KCND2: variants seen among roughly 807,000 people sequenced by gnomAD.
The protein encoded by KCND2 is A-type voltage-gated potassium channel KCND2.
KCND2 carries 16 observed loss-of-function variants against 54.4 expected under a neutral mutation model. The observed-to-expected ratio is 0.29, with a 90% CI of 0.20 to 0.45. The LOEUF is 0.45. KCND2 is among the 20% of genes least tolerant of loss of function. The probability of loss-of-function intolerance (pLI) is 1.00; values close to 1 mark genes in which losing one functional copy is unlikely to be tolerated. For missense variants in KCND2, 486 were observed against 824.2 expected (o/e 0.59, Z 5.02); for synonymous variants, 317 against 310.7 (o/e 1.02, Z -0.21).
At chr7:120,295,623 A>G (rs1373637702) in intron 1 of KCND2, among the ~76,000 whole-genome samples, 6 of 152,008 alleles carry the variant, frequency 3.9e-5, no homozygotes, top group Admixed American at 3.9e-4. Flanking sequence ...CCAGATTGAG[A>G]GAATGGCAAA....
At chr7:120,375,686 T>C (rs1800827024) in intron 1 of KCND2, among the ~76,000 whole-genome samples, 1 of 151,832 alleles carries the variant, frequency 6.6e-6, no homozygotes, top group Admixed American at 6.6e-5. Context: ...TCTCTGGCAT[T>C]TGAAAAGCCA....
At chr7:120,457,718 T>C (rs1802220213) in intron 1 of KCND2, among the ~76,000 whole-genome samples, 1 of 152,182 alleles carries the variant, frequency 6.6e-6, no homozygotes, top group Admixed American at 6.6e-5. Context: ...CCAGATTTTC[T>C]TACCTTTTTC....
At chr7:120,358,770 G>C (rs1459238818) in intron 1 of KCND2, among the ~76,000 whole-genome samples, 1 of 152,062 alleles carries the variant, frequency 6.6e-6, no homozygotes, top group Non-Finnish European at 1.5e-5. Flanking sequence ...AGTGAATTTC[G>C]AACTATGTGC....
chr7:120,623,505 A>T (rs970562570), intron 1 of KCND2, among the ~76,000 whole-genome samples: 5 of 152,150 alleles, frequency 3.3e-5, no homozygotes, highest in African/African-American at 7.2e-5. Flanking sequence ...ATACCTAGGG[A>T]TCTTGCTACC....
chr7:120,549,019 T>C (rs966523579), intron 1 of KCND2, among the ~76,000 whole-genome samples: 26 of 152,084 alleles, frequency 1.7e-4, no homozygotes, highest in African/African-American at 6.0e-4. Context: ...TATTGGACTT[T>C]GGATTCAAAT....
At chr7:120,473,836 C>T (rs887683201) in intron 1 of KCND2, among the ~76,000 whole-genome samples, 9 of 152,144 alleles carry the variant, frequency 5.9e-5, no homozygotes, top group African/African-American at 2.2e-4. Flanking sequence ...CCTCCCTAAG[C>T]AAATCACTGG....
In KCND2 at chr7:120,301,627, T is replaced by A. The variant is rs1799586474; in HGVS notation, c.1115+25880T>A. On this transcript the variant is annotated intron_variant, in intron 1 of 5. Transcript: ENST00000331113. The stretch of plus-strand genomic sequence containing the variant: ...GGGCCTGGTTGCATGGCAGCCTAGT[T>A]TCTTTTGAGGAATAATATATTGTAA... Among the ~76,000 whole-genome samples, 3 of 152,170 alleles carry A rather than the reference T, an allele frequency of 2.0e-5. No individual in the cohort carries two copies. The South Asian group carries it at 6.2e-4, about 31-fold the overall frequency.
At chr7:120,315,454 A>G (rs529724369) in intron 1 of KCND2, among the ~76,000 whole-genome samples, 1 of 152,202 alleles carries the variant, frequency 6.6e-6, no homozygotes, top group East Asian at 1.9e-4. Flanking sequence ...AACAATGTAA[A>G]CCTTGAATTT....
intron 1 of KCND2, among the ~76,000 whole-genome samples, chr7:120,705,361 T>G (rs1792454725): frequency 6.6e-6 from 1 of 152,134 alleles, no homozygotes; most frequent in Admixed American, 6.6e-5. Context: ...GAAAGTAATT[T>G]ATTTGGCTGT....
At chr7:120,414,081 T>C (rs990452239) in intron 1 of KCND2, among the ~76,000 whole-genome samples, 1 of 151,900 alleles carries the variant, frequency 6.6e-6, no homozygotes, top group Non-Finnish European at 1.5e-5. Flanking sequence ...AAAATACAAA[T>C]AAAACCTTCT....
chr7:120,564,622 A>G (rs1391551340), intron 1 of KCND2, among the ~76,000 whole-genome samples: 1 of 152,204 alleles, frequency 6.6e-6, no homozygotes, highest in Non-Finnish European at 1.5e-5. Flanking sequence ...AAAAAAGTAT[A>G]TAAATTTAAG....
chr7:120,388,538 C>T (rs1801022457), intron 1 of KCND2, among the ~76,000 whole-genome samples: 1 of 151,962 alleles, frequency 6.6e-6, no homozygotes, highest in South Asian at 2.1e-4. Context: ...AGGTGGAACC[C>T]ATTTGTGGTT....
intron 2 of KCND2, among the ~76,000 whole-genome samples, chr7:120,734,161 A>G (rs774376884): frequency 3.3e-5 from 5 of 152,140 alleles, no homozygotes; most frequent in Non-Finnish European, 7.4e-5. Flanking sequence ...TGTACTGATT[A>G]TAGCTCAGCG....
chr7:120,367,310 G>A (rs1032999461), intron 1 of KCND2, among the ~76,000 whole-genome samples: 4 of 152,024 alleles, frequency 2.6e-5, no homozygotes, highest in African/African-American at 9.7e-5. Context: ...TATGTATGAG[G>A]TTGTTTTCCT....
rs754114907 is a variant in KCND2, at chr7:120,733,116, A to G, written c.1278+51A>G. Reference sequence around the variant, plus strand: ...TGGTTTAGCACTTCCCACTTTTTATAATGAGCTTTAAAATTTCTTAATGGT... The same window carrying G: ...TGGTTTAGCACTTCCCACTTTTTATGATGAGCTTTAAAATTTCTTAATGGT... On this transcript the variant is annotated intron_variant, in intron 2 of 5. Transcript: ENST00000331113. 38 of 1,584,402 alleles carry G rather than the reference A, an allele frequency of 2.4e-5. No individual in the cohort carries two copies. In the South Asian group the frequency reaches 4.1e-4, roughly 17 times the overall value.
chr7:120,648,384 G>GGATGTTTACATGACATATCCTTCC (rs1793467686), intron 1 of KCND2, among the ~76,000 whole-genome samples: 3 of 152,102 alleles, frequency 2.0e-5, no homozygotes, highest in Non-Finnish European at 2.9e-5. Flanking sequence ...ATGTGGAGTA[G>GGATGTTTACATGACATATCCTTCC]TAGGTGGAAG....
At chr7:120,555,475 G>A (rs902065060) in intron 1 of KCND2, among the ~76,000 whole-genome samples, 2 of 152,174 alleles carry the variant, frequency 1.3e-5, no homozygotes, top group African/African-American at 2.4e-5. Flanking sequence ...TATTCTTAAT[G>A]TAAAGTAACA....
intron 1 of KCND2, among the ~76,000 whole-genome samples, chr7:120,609,923 G>A (rs1442195414): frequency 1.3e-5 from 2 of 152,038 alleles, no homozygotes; most frequent in Admixed American, 1.3e-4. Flanking sequence ...ATCCACCTAG[G>A]ACTTAAGGAG....
At chr7:120,279,049 T>C (rs1471905735) in intron 1 of KCND2, among the ~76,000 whole-genome samples, 1 of 151,932 alleles carries the variant, frequency 6.6e-6, no homozygotes, top group African/African-American at 2.4e-5. Context: ...CTGGAACTCC[T>C]CTTTTGTCCT....
Sources: gnomAD v4.1 joint callset for allele counts (sites outside exome capture counted in the v4.1 genomes callset) on GRCh38, gnomAD v4.1.1 for gene constraint, MANE v1.5 for transcripts, NCBI Gene and HGNC (gene_info 2026-07-23, HGNC 2026-07-21) for gene names.